ST8SIA1: variants seen among roughly 807,000 people sequenced by gnomAD.
ST8SIA1 encodes alpha-N-acetylneuraminide alpha-2,8-sialyltransferase.
A neutral mutation model predicts 35.9 loss-of-function variants in ST8SIA1; 16 were observed. That is an observed-to-expected ratio of 0.45 (90% CI 0.30 to 0.68). The LOEUF is 0.68. Among genes scored for constraint, ST8SIA1 ranks in the 30% least tolerant of loss-of-function variants. The pLI, the probability that ST8SIA1 is intolerant of heterozygous loss-of-function variation, is 0.09. For synonymous variants in ST8SIA1, 170 were observed against 169.6 expected (o/e 1.00, Z -0.02); for missense variants, 383 against 453.6 (o/e 0.84, Z 1.41).
intron 2 of ST8SIA1, among the ~76,000 whole-genome samples, chr12:22,275,554 A>C (rs557211070): frequency 2.7e-4 from 41 of 149,934 alleles, no homozygotes; most frequent in African/African-American, 9.0e-4. Flanking sequence ...ACTCCGTGTC[A>C]AAAAAAAAAG....
At chr12:22,303,261 A>G (rs1295981582) in intron 1 of ST8SIA1, among the ~76,000 whole-genome samples, 1 of 152,092 alleles carries the variant, frequency 6.6e-6, no homozygotes, top group East Asian at 1.9e-4. Flanking sequence ...CCCCCTCCAG[A>G]GAATCCCTGA....
At chr12:22,316,833 C>A (rs1866527253) in intron 1 of ST8SIA1, among the ~76,000 whole-genome samples, 1 of 152,128 alleles carries the variant, frequency 6.6e-6, no homozygotes, top group African/African-American at 2.4e-5. Context: ...GAAAAGAGAG[C>A]TGAGTCTCAC....
intron 1 of ST8SIA1, among the ~76,000 whole-genome samples, chr12:22,318,312 G>A (rs543983542): frequency 6.6e-6 from 1 of 152,268 alleles, no homozygotes; most frequent in South Asian, 2.1e-4. Flanking sequence ...CTTTTTGGGT[G>A]CGCAGAAGTC....
At chr12:22,321,839 C>G (rs983586455) in intron 1 of ST8SIA1, among the ~76,000 whole-genome samples, 3 of 152,188 alleles carry the variant, frequency 2.0e-5, no homozygotes, top group Admixed American at 2.0e-4. Context: ...GCCGGCCCCT[C>G]CACTTCCTCT....
At chr12:22,256,417 C>G (rs148683239) in intron 2 of ST8SIA1, among the ~76,000 whole-genome samples, 2,917 of 152,320 alleles carry the variant, frequency 0.019, 53 homozygotes, top group Middle Eastern at 0.075. Context: ...CTGCCAGGTA[C>G]AGAATTTCCT....
chr12:22,305,202 T>C (rs1458217487), intron 1 of ST8SIA1, among the ~76,000 whole-genome samples: 3 of 152,114 alleles, frequency 2.0e-5, no homozygotes, highest in Non-Finnish European at 2.9e-5. Context: ...AGAGCTCTAA[T>C]GAATGGGCTT....
At chr12:22,294,741 T>C (rs1395146430) in intron 1 of ST8SIA1, among the ~76,000 whole-genome samples, 1 of 152,204 alleles carries the variant, frequency 6.6e-6, no homozygotes, top group Non-Finnish European at 1.5e-5. Context: ...GAAATATAAA[T>C]ATTTTAAGGA....
At chr12:22,287,346 G>A in intron 1 of ST8SIA1, 53 bp from the exon 2 acceptor site, 1 of 1,565,736 alleles carries the variant, frequency 6.4e-7, no homozygotes, top group Non-Finnish European at 8.7e-7. Context: ...ATGAGGAGCA[G>A]ATTCATTCAC....
chr12:22,287,033 A>T, intron 2 of ST8SIA1, 116 bp downstream of exon 2: 1 of 940,130 alleles, frequency 1.1e-6, no homozygotes, highest in Non-Finnish European at 1.6e-6. Flanking sequence ...ACATTTAAAG[A>T]GAGAAGAAAG....
intron 4 of ST8SIA1, among the ~76,000 whole-genome samples, chr12:22,205,738 T>G (rs1865099689): frequency 6.6e-6 from 1 of 151,840 alleles, no homozygotes; most frequent in Non-Finnish European, 1.5e-5. Flanking sequence ...GGCAACCATC[T>G]CAATAAATAA....
intron 4 of ST8SIA1, among the ~76,000 whole-genome samples, chr12:22,236,221 C>T (rs1280355739): frequency 1.3e-5 from 2 of 152,096 alleles, no homozygotes; most frequent in Non-Finnish European, 2.9e-5. Flanking sequence ...ACTCAGATTC[C>T]ACTCCCGAAA....
intron 4 of ST8SIA1, among the ~76,000 whole-genome samples, chr12:22,215,821 C>T (rs920523496): frequency 6.6e-6 from 1 of 152,184 alleles, no homozygotes; most frequent in African/African-American, 2.4e-5. Context: ...TACAGTGTTA[C>T]AGGCTGAGCC....
chr12:22,236,365 G>A (rs1865475883), intron 4 of ST8SIA1, among the ~76,000 whole-genome samples: 1 of 152,208 alleles, frequency 6.6e-6, no homozygotes, highest in Non-Finnish European at 1.5e-5. Context: ...TGCAGAGAGT[G>A]GTTGAACAAC....
intron 2 of ST8SIA1, among the ~76,000 whole-genome samples, chr12:22,255,982 G>C (rs1359614158): frequency 6.6e-6 from 1 of 152,198 alleles, no homozygotes; most frequent in East Asian, 1.9e-4. Context: ...CTGCCAAAGA[G>C]ATGCACACTG....
At chr12:22,329,234 T>C (rs1344975862) in intron 1 of ST8SIA1, among the ~76,000 whole-genome samples, 5 of 152,172 alleles carry the variant, frequency 3.3e-5, no homozygotes, top group African/African-American at 9.7e-5. Context: ...TAGAATTAAA[T>C]AGCTCCAGGT....
At chr12:22,231,495 C>T (rs1209063507) in intron 4 of ST8SIA1, among the ~76,000 whole-genome samples, 1 of 151,912 alleles carries the variant, frequency 6.6e-6, no homozygotes, top group Non-Finnish European at 1.5e-5. Flanking sequence ...AATAAAGAAG[C>T]ATAAGAGTTT....
intron 4 of ST8SIA1, among the ~76,000 whole-genome samples, chr12:22,248,580 C>T (rs948155630): frequency 6.6e-6 from 1 of 152,124 alleles, no homozygotes; most frequent in Non-Finnish European, 1.5e-5. Context: ...GACAATATTG[C>T]TATTTTAATG....
intron 1 of ST8SIA1, 105 bp downstream of exon 1, chr12:22,333,892 G>C (rs775799207): frequency 7.2e-6 from 7 of 969,410 alleles, no homozygotes; most frequent in Non-Finnish European, 1.2e-5. Flanking sequence ...GGATGAAAGG[G>C]ATGCCTCTGC....
At chr12:22,241,594 C>T (rs1260529690) in intron 4 of ST8SIA1, among the ~76,000 whole-genome samples, 2 of 136,930 alleles carry the variant, frequency 1.5e-5, no homozygotes, top group African/African-American at 2.7e-5. Context: ...ACCCAGACTC[C>T]GGTATTTTTT....
Sources: gnomAD v4.1 joint callset for allele counts (sites outside exome capture counted in the v4.1 genomes callset) on GRCh38, gnomAD v4.1.1 for gene constraint, MANE v1.5 for transcripts, NCBI Gene and HGNC (gene_info 2026-07-23, HGNC 2026-07-21) for gene names.